Variants in GPC5 observed in about 807,000 individuals in gnomAD.
The protein encoded by GPC5 is glypican 5.
GPC5 carries 47 observed loss-of-function variants against 53.9 expected under a neutral mutation model. The ratio of observed to expected loss-of-function variants is 0.87; its 90% CI spans 0.69 to 1.11. The LOEUF (loss-of-function observed/expected upper bound fraction) is 1.11, where lower values mean the gene tolerates loss of function less well. Ranked by LOEUF, GPC5 falls within the 50% of genes most tolerant of loss-of-function variation. GPC5 has a pLI of 0.00. For synonymous variants in GPC5, 286 were observed against 263.3 expected, an observed-to-expected ratio of 1.09 and a Z score of -0.84; for missense variants, 748 against 713.1, an observed-to-expected ratio of 1.05 and a Z score of -0.56.
chr13:92,414,631 A>G (rs1356614112), intron 7 of GPC5, among the ~76,000 whole-genome samples: 2 of 152,216 alleles, frequency 1.3e-5, no homozygotes, highest in Non-Finnish European at 2.9e-5. Context: ...TAAGAAATCA[A>G]AGATGAGTAT....
At chr13:91,500,888 G>T (rs1163191158) in intron 2 of GPC5, among the ~76,000 whole-genome samples, 3 of 152,098 alleles carry the variant, frequency 2.0e-5, no homozygotes, top group Non-Finnish European at 4.4e-5. Context: ...TCTCATGGTG[G>T]TGAATAAATC....
intron 5 of GPC5, among the ~76,000 whole-genome samples, chr13:91,771,043 C>T (rs896221242): frequency 6.6e-6 from 1 of 152,170 alleles, no homozygotes; most frequent in African/African-American, 2.4e-5. Context: ...CACATAACCA[C>T]ACTGAGAATA....
chr13:92,823,562 A>G (rs1200871109), intron 7 of GPC5, among the ~76,000 whole-genome samples: 2 of 152,094 alleles, frequency 1.3e-5, no homozygotes, highest in African/African-American at 4.8e-5. Flanking sequence ...CCGATTAACA[A>G]TGAGAAAATG....
chr13:91,477,851 G>A (rs184748155), intron 2 of GPC5, among the ~76,000 whole-genome samples: 11 of 152,316 alleles, frequency 7.2e-5, no homozygotes, highest in Non-Finnish European at 1.3e-4. Flanking sequence ...ACAAGGGAGA[G>A]TTATAAGTCA....
intron 7 of GPC5, among the ~76,000 whole-genome samples, chr13:92,218,284 G>A (rs1031755640): frequency 1.1e-4 from 16 of 151,966 alleles, no homozygotes; most frequent in Non-Finnish European, 2.4e-4. Flanking sequence ...TAAAGAAATG[G>A]ATTCATCTTT....
chr13:91,616,694 A>T (rs2033705093), intron 2 of GPC5, among the ~76,000 whole-genome samples: 1 of 152,174 alleles, frequency 6.6e-6, no homozygotes, highest in South Asian at 2.1e-4. Context: ...AAGCACTGAA[A>T]AAAAAGATCA....
Position 92,249,189 on chromosome 13 carries a change from A to T in GPC5, c.1561+104200A>T. ...GTATTACAAACAGTCTAAGTATTTT[A>T]GTTATTTTAAAATGTACAATAAATT... On this transcript the variant is annotated intron_variant, in intron 7 of 7. Coordinates refer to ENST00000377067, the MANE Select transcript of GPC5 (RefSeq NM_004466.6). Among the ~76,000 whole-genome samples the T allele has an allele frequency of 1.3e-5, 2 of 152,222 alleles. 1 individual carries two copies. Among genetic ancestry groups the T allele is most frequent in the Admixed American group, 1.3e-4 (2 of 15,266 alleles).
At chr13:92,377,293 T>C (rs541908073) in intron 7 of GPC5, among the ~76,000 whole-genome samples, 1 of 152,190 alleles carries the variant, frequency 6.6e-6, no homozygotes. Flanking sequence ...GTACACTGTT[T>C]AGTAAGTGTA....
At chr13:92,853,492 C>T (rs1481787432) in intron 7 of GPC5, among the ~76,000 whole-genome samples, 3 of 152,050 alleles carry the variant, frequency 2.0e-5, no homozygotes, top group Non-Finnish European at 2.9e-5. Context: ...GAATATATCC[C>T]CATCCGATAA....
chr13:92,260,248 ACT>A (rs1425429349), intron 7 of GPC5, among the ~76,000 whole-genome samples: 1 of 151,934 alleles, frequency 6.6e-6, no homozygotes. Context: ...GTATTCAGAG[ACT>A]CTCTCAAATC....
In GPC5 at chr13:92,692,754, A is replaced by ATTTTTTTTTTTTTTTT. The variant is rs71272284; in HGVS notation, c.1562-173521_1562-173506dup. Among the ~76,000 whole-genome samples the ATTTTTTTTTTTTTTTT allele has an allele frequency of 1.6e-3, 129 of 81,004 alleles. 12 individuals are homozygous for ATTTTTTTTTTTTTTTT. Among genetic ancestry groups the ATTTTTTTTTTTTTTTT allele is most frequent in the African/African-American group, 3.9e-3 (80 of 20,722 alleles). 53.1% of individuals were successfully genotyped at this position (81,004 alleles called of 152,430 possible). On this transcript the variant is annotated intron_variant, in intron 7 of 7. Transcript: ENST00000377067. Reference sequence around the variant, plus strand: ...CTCCAAAGCCTCACCAATATCGGCTATTTTTTTTTTTTTTTTTTTTTTACA... The same window carrying ATTTTTTTTTTTTTTTT: ...CTCCAAAGCCTCACCAATATCGGCTATTTTTTTTTTTTTTTTTTTTTTTTTTTTTTTTTTTTTTACA...
intron 5 of GPC5, among the ~76,000 whole-genome samples, chr13:91,903,279 AT>A (rs1402212699): frequency 2.0e-5 from 3 of 152,084 alleles, no homozygotes; most frequent in African/African-American, 7.2e-5. Flanking sequence ...ATTAGTTCTC[AT>A]TGCTATATAC....
intron 7 of GPC5, among the ~76,000 whole-genome samples, chr13:92,246,821 G>A (rs2042654500): frequency 6.6e-6 from 1 of 151,988 alleles, no homozygotes; most frequent in African/African-American, 2.4e-5. Flanking sequence ...ACTTTTTAAT[G>A]GTAATTTTCA....
chr13:92,782,976 C>CTATTCCTAA (rs1876087523), intron 7 of GPC5, among the ~76,000 whole-genome samples: 1 of 152,140 alleles, frequency 6.6e-6, no homozygotes, highest in Non-Finnish European at 1.5e-5. Flanking sequence ...CCCAGTACTC[C>CTATTCCTAA]AGAATAGCTT....
At chr13:91,893,685 TATAG>T (rs1371733868) in intron 5 of GPC5, among the ~76,000 whole-genome samples, 9 of 152,276 alleles carry the variant, frequency 5.9e-5, no homozygotes, top group African/African-American at 1.4e-4. Context: ...CTATGACCCC[TATAG>T]ATAGTCTTAC....
chr13:91,916,655 A>C (rs1290596677), intron 6 of GPC5, among the ~76,000 whole-genome samples: 1 of 152,186 alleles, frequency 6.6e-6, no homozygotes, highest in Non-Finnish European at 1.5e-5. Context: ...GTAATTTATA[A>C]AGAAAAGAGG....
intron 2 of GPC5, among the ~76,000 whole-genome samples, chr13:91,644,084 A>G (rs191506579): frequency 1.3e-5 from 2 of 152,062 alleles, no homozygotes; most frequent in Non-Finnish European, 2.9e-5. Context: ...TATTGGTAAA[A>G]TTAATTTTAC....
intron 4 of GPC5, among the ~76,000 whole-genome samples, chr13:91,754,775 C>T (rs1431117092): frequency 6.6e-6 from 1 of 152,078 alleles, no homozygotes; most frequent in Non-Finnish European, 1.5e-5. Context: ...CTTTGAGGCA[C>T]TTATTTTCTG....
intron 7 of GPC5, among the ~76,000 whole-genome samples, chr13:92,379,136 A>T (rs555434190): frequency 6.6e-6 from 1 of 152,084 alleles, no homozygotes; most frequent in African/African-American, 2.4e-5. Flanking sequence ...CTCAGACATA[A>T]CTCATTTATT....
Sources: gnomAD v4.1 joint callset for allele counts (sites outside exome capture counted in the v4.1 genomes callset) on GRCh38, gnomAD v4.1.1 for gene constraint, MANE v1.5 for transcripts, NCBI Gene and HGNC (gene_info 2026-07-23, HGNC 2026-07-21) for gene names.